CDIN1: variants seen among roughly 807,000 people sequenced by gnomAD.
The protein encoded by CDIN1 is CDAN1-interacting nuclease 1.
Under a neutral mutation model 45.3 loss-of-function variants are expected in CDIN1, and 33 were observed. That is an observed-to-expected ratio of 0.73 (90% CI 0.55 to 0.97). The LOEUF (loss-of-function observed/expected upper bound fraction) is 0.97, where lower values mean the gene tolerates loss of function less well. Ranked by LOEUF, CDIN1 falls within the 50% of genes least tolerant of loss-of-function variation. CDIN1 has a pLI of 0.00. For missense variants in CDIN1, 303 were observed against 339.4 expected, an observed-to-expected ratio of 0.89 and a Z score of 0.84; for synonymous variants, 118 against 124.4, an observed-to-expected ratio of 0.95 and a Z score of 0.34.
intron 2 of CDIN1, 129 bp downstream of exon 2, chr15:36,644,452 C>T: frequency 1.1e-6 from 1 of 919,978 alleles, no homozygotes; most frequent in Non-Finnish European, 1.6e-6. Flanking sequence ...CCACATCAAG[C>T]ACCGCCTGCG....
chr15:36,645,049 A>G (rs1466017687), intron 2 of CDIN1, among the ~76,000 whole-genome samples, 174 bp from the exon 3 acceptor site: 1 of 152,218 alleles, frequency 6.6e-6, no homozygotes, highest in Non-Finnish European at 1.5e-5. Context: ...ATTAAAATGC[A>G]TAGGATCATA....
At chr15:36,591,820 A>C (rs1220511774) in intron 1 of CDIN1, 2 of 152,236 alleles carry the variant, frequency 1.3e-5, no homozygotes, top group African/African-American at 4.8e-5. Context: ...ATTTGACCAA[A>C]GTTCCATATC....
chr15:36,799,436 A>G (rs999033917), intron 10 of CDIN1: 1 of 152,164 alleles, frequency 6.6e-6, no homozygotes, highest in African/African-American at 2.4e-5. Context: ...ATCTCAATAT[A>G]CTTCTGACCC....
At chr15:36,654,320 G>A (rs546743790) in intron 4 of CDIN1, among the ~76,000 whole-genome samples, 162 bp downstream of exon 4, 1 of 152,168 alleles carries the variant, frequency 6.6e-6, no homozygotes, top group Admixed American at 6.5e-5. Flanking sequence ...TTAGTAATTG[G>A]ACAAAGAACT....
intron 10 of CDIN1, among the ~76,000 whole-genome samples, chr15:36,797,046 C>T (rs918752336): frequency 6.6e-6 from 1 of 152,066 alleles, no homozygotes; most frequent in African/African-American, 2.4e-5. Flanking sequence ...GAAAATGGTG[C>T]AAAGATCATT....
chr15:36,663,986 C>A (rs906672791), intron 5 of CDIN1, among the ~76,000 whole-genome samples: 1 of 152,116 alleles, frequency 6.6e-6, no homozygotes, highest in African/African-American at 2.4e-5. Context: ...ATTGCATTAT[C>A]TTTAGCAAAC....
At chr15:36,660,337 G>A (rs1392891941) in intron 5 of CDIN1, among the ~76,000 whole-genome samples, 2 of 152,004 alleles carry the variant, frequency 1.3e-5, no homozygotes, top group Middle Eastern at 3.2e-3. Flanking sequence ...CTCAGTCTTG[G>A]CTTGTATTTT....
At chr15:36,669,677 A>G (rs570830568) in intron 5 of CDIN1, among the ~76,000 whole-genome samples, 16 of 152,060 alleles carry the variant, frequency 1.1e-4, no homozygotes, top group Non-Finnish European at 2.1e-4. Flanking sequence ...CTTGTTTCCC[A>G]AGTCTCCTCT....
chr15:36,694,329 G>C (rs1449800985), intron 7 of CDIN1, among the ~76,000 whole-genome samples: 1 of 152,110 alleles, frequency 6.6e-6, no homozygotes, highest in African/African-American at 2.4e-5. Flanking sequence ...TTTTCCATGT[G>C]AGTAAATGTG....
chr15:36,656,346 T>G (rs2040781967), intron 4 of CDIN1, among the ~76,000 whole-genome samples: 1 of 152,148 alleles, frequency 6.6e-6, no homozygotes, highest in Non-Finnish European at 1.5e-5. Flanking sequence ...AGCATTGTAT[T>G]TTTATTATCT....
chr15:36,579,638 A>G lies in CDIN1; in HGVS notation c.-223A>G. On this transcript the variant is annotated 5_prime_UTR_variant, in exon 1 of 11. Coordinates refer to ENST00000566621, the MANE Select transcript of CDIN1 (RefSeq NM_001321759.2). ...GCCAAGCTAGGGCACTCTGGTGTACAGCCAGTCCCCGCCGCGGAGGTGCCG... is the reference window on the plus strand; with the variant it reads ...GCCAAGCTAGGGCACTCTGGTGTACGGCCAGTCCCCGCCGCGGAGGTGCCG... 1.9e-6 allele frequency: 1 copy of G among 513,482 alleles called. No individual in the cohort carries two copies. Among genetic ancestry groups the G allele is most frequent in the Non-Finnish European group, 3.5e-6 (1 of 287,206 alleles). The allele number at this position is 513,482 out of a possible 1,614,324, so 31.8% of individuals were successfully genotyped here.
chr15:36,584,766 G>C (rs1480048586), intron 1 of CDIN1, among the ~76,000 whole-genome samples: 1 of 152,156 alleles, frequency 6.6e-6, no homozygotes, highest in East Asian at 1.9e-4. Flanking sequence ...ACATCATTGA[G>C]ATGTGGAAGG....
At chr15:36,661,405 C>A (rs1566876864) in intron 5 of CDIN1, among the ~76,000 whole-genome samples, 1 of 151,918 alleles carries the variant, frequency 6.6e-6, no homozygotes, top group African/African-American at 2.4e-5. Flanking sequence ...AATAGGGAGA[C>A]TCTGTTTGGA....
intron 10 of CDIN1, among the ~76,000 whole-genome samples, chr15:36,800,913 A>ATATATATATATATATG (rs1566984492): frequency 1.4e-5 from 1 of 71,838 alleles, no homozygotes; most frequent in African/African-American, 6.9e-5. Flanking sequence ...GTGTGTGTAT[A>ATATATATATATATATG]TATATATATA....
At chr15:36,697,537 C>A in intron 8 of CDIN1, 147 bp downstream of exon 8, 1 of 638,452 alleles carries the variant, frequency 1.6e-6, no homozygotes, top group Non-Finnish European at 2.6e-6. Context: ...AGCAGGAACT[C>A]AGTTACCTAA....
At chr15:36,707,812 G>A (rs2042923994) in intron 8 of CDIN1, 1 of 152,116 alleles carries the variant, frequency 6.6e-6, no homozygotes, top group Admixed American at 6.6e-5. Flanking sequence ...TATAGTTACA[G>A]AACAGAAACT....
chr15:36,684,055 A>G (rs1465629483), intron 5 of CDIN1, among the ~76,000 whole-genome samples: 1 of 151,268 alleles, frequency 6.6e-6, no homozygotes, highest in Non-Finnish European at 1.5e-5. Flanking sequence ...TCCTAATTGA[A>G]TACCCTTTAT....
At chr15:36,769,225 A>C (rs574414380) in intron 10 of CDIN1, among the ~76,000 whole-genome samples, 1 of 152,312 alleles carries the variant, frequency 6.6e-6, no homozygotes, top group East Asian at 1.9e-4. Flanking sequence ...ATATGTGTAC[A>C]TATATTGAGA....
At chr15:36,628,368 C>T (rs1216913598) in intron 1 of CDIN1, among the ~76,000 whole-genome samples, 1 of 152,148 alleles carries the variant, frequency 6.6e-6, no homozygotes, top group African/African-American at 2.4e-5. Flanking sequence ...GTGATTTCTC[C>T]ATGCTGTTAC....
Sources: allele counts gnomAD v4.1 joint callset (sites outside exome capture counted in the v4.1 genomes callset), GRCh38; gene constraint gnomAD v4.1.1; transcripts MANE v1.5; gene names NCBI Gene and HGNC (gene_info 2026-07-23, HGNC 2026-07-21).